Variants in PPP1R12B observed in about 807,000 individuals in gnomAD.
PPP1R12B encodes protein phosphatase 1 regulatory subunit 12B.
In PPP1R12B, 76 loss-of-function variants were observed where a neutral mutation model predicts 126.1. That is an observed-to-expected ratio of 0.60 (90% CI 0.50 to 0.73). PPP1R12B has a LOEUF of 0.73. PPP1R12B is among the 30% of genes least tolerant of loss of function. The pLI, the probability that PPP1R12B is intolerant of heterozygous loss-of-function variation, is 0.00. For synonymous variants in PPP1R12B, 356 were observed against 434.7 expected, an observed-to-expected ratio of 0.82 and a Z score of 2.25; for missense variants, 1,052 against 1,205.1, an observed-to-expected ratio of 0.87 and a Z score of 1.88.
chr1:202,535,981 T>C (rs1457672701), intron 18 of PPP1R12B, among the ~76,000 whole-genome samples: 4 of 152,258 alleles, frequency 2.6e-5, no homozygotes, highest in African/African-American at 9.6e-5. Flanking sequence ...CCCAGAATTT[T>C]ACTGAAGGAT....
At chr1:202,360,623 C>G (rs1462463636) in intron 1 of PPP1R12B, among the ~76,000 whole-genome samples, 1 of 151,398 alleles carries the variant, frequency 6.6e-6, no homozygotes, top group South Asian at 2.1e-4. Flanking sequence ...GCAGGAGAAT[C>G]GCTTGTACCT....
At chr1:202,439,318 G>A (rs941731635) in intron 10 of PPP1R12B, 3 of 1,422,376 alleles carry the variant, frequency 2.1e-6, no homozygotes, top group Admixed American at 1.7e-5. Flanking sequence ...TCCATCCTGA[G>A]GGCAGCCCTG....
At chr1:202,433,268 T>C (rs1670404038) in intron 8 of PPP1R12B, among the ~76,000 whole-genome samples, 1 of 152,238 alleles carries the variant, frequency 6.6e-6, no homozygotes, top group Non-Finnish European at 1.5e-5. Context: ...TAGATCACTT[T>C]TGTTAGTTGC....
rs779180704 is a variant in PPP1R12B, at chr1:202,349,004, C to T, written c.153C>T (p.Ser51=). 7 of 1,608,164 alleles carry T rather than the reference C, an allele frequency of 4.4e-6. No individual in the cohort carries two copies. The South Asian group carries it at 5.5e-5, about 13-fold the overall frequency. Residue 51 remains serine, a synonymous_variant, in exon 1 of 24, where the codon AGC becomes AGT. Coordinates refer to ENST00000608999, the MANE Select transcript of PPP1R12B (RefSeq NM_002481.4). ...AGRQPLTRRG[S]PRVRFEDGAV... ...GGCAGCCGCTGACCAGGCGCGGGAG[C>T]CCCAGGGTCCGCTTCGAGGACGGTG...
Position 202,377,464 on chromosome 1 carries a change from G to A in PPP1R12B, c.291+28322G>A, listed in dbSNP as rs371333043. Reference sequence around the variant, plus strand: ...ACTACAAGCGCCCGCCACCACGCCCGGCTAATTTTTTGTATTTTGTTAGTA... The same window carrying A: ...ACTACAAGCGCCCGCCACCACGCCCAGCTAATTTTTTGTATTTTGTTAGTA... On this transcript the variant is annotated intron_variant, in intron 1 of 23. Transcript: ENST00000608999. 1.4e-4 allele frequency among the ~76,000 whole-genome samples: 21 copies of A among 151,908 alleles called. No homozygotes were observed. In the East Asian group the frequency reaches 2.3e-3, roughly 17 times the overall value.
chr1:202,436,338 T>C (rs769044047), intron 9 of PPP1R12B, among the ~76,000 whole-genome samples: 2 of 152,090 alleles, frequency 1.3e-5, no homozygotes, highest in South Asian at 2.1e-4. Context: ...GGGGAAGGCA[T>C]TTTCCCCCTT....
At chr1:202,528,193 G>A (rs183244670) in intron 18 of PPP1R12B, among the ~76,000 whole-genome samples, 2 of 152,328 alleles carry the variant, frequency 1.3e-5, no homozygotes, top group East Asian at 3.9e-4. Flanking sequence ...AGCATATAGA[G>A]ATTGACTCTG....
intron 18 of PPP1R12B, among the ~76,000 whole-genome samples, chr1:202,514,549 TATA>T (rs1290230873): frequency 2.0e-5 from 3 of 152,198 alleles, no homozygotes; most frequent in African/African-American, 4.8e-5. Flanking sequence ...CCAGGGTTTT[TATA>T]GTTTGGGGTT....
chr1:202,411,270 CAAA>C (rs771739035), intron 1 of PPP1R12B, among the ~76,000 whole-genome samples: 74 of 59,492 alleles, frequency 1.2e-3, no homozygotes, highest in African/African-American at 1.7e-3. Flanking sequence ...CTTCTGGAGG[CAAA>C]AAAAAAAAAA....
chr1:202,464,574 T>A (rs1166610273), intron 13 of PPP1R12B, among the ~76,000 whole-genome samples: 1 of 152,194 alleles, frequency 6.6e-6, no homozygotes, highest in Non-Finnish European at 1.5e-5. Flanking sequence ...AGGTACAAGG[T>A]ATAAAGCTCC....
intron 18 of PPP1R12B, among the ~76,000 whole-genome samples, chr1:202,519,290 G>T (rs1425148324): frequency 6.6e-6 from 1 of 151,754 alleles, no homozygotes; most frequent in Non-Finnish European, 1.5e-5. Context: ...TTTGAGACGG[G>T]GTCTCACTCT....
chr1:202,588,598 ATT>A lies in PPP1R12B; in HGVS notation c.*8040_*8041del, dbSNP rs1229918871. The A allele has an allele frequency of 1.3e-5, 2 of 152,514 alleles. No homozygotes were observed. Among genetic ancestry groups the A allele is most frequent in the African/African-American group, 2.4e-5 (1 of 41,410 alleles). The allele number at this position is 152,514 out of a possible 1,614,324, so 9.4% of individuals were successfully genotyped here. ...CTGTCTCCACAGTTCAGAGCATGGG[ATT>A]TCTAGAATCTCACATCTGGGGCAGC... On this transcript the variant is annotated 3_prime_UTR_variant, in exon 24 of 24. Transcript: ENST00000608999.
At chr1:202,579,020 C>T (rs970857118) in intron 23 of PPP1R12B, among the ~76,000 whole-genome samples, 4 of 152,158 alleles carry the variant, frequency 2.6e-5, no homozygotes, top group Non-Finnish European at 5.9e-5. Context: ...TTTCATTTCC[C>T]CATTTGTAGA....
intron 1 of PPP1R12B, among the ~76,000 whole-genome samples, chr1:202,402,919 T>C (rs1454130828): frequency 1.3e-5 from 2 of 152,214 alleles, no homozygotes; most frequent in Non-Finnish European, 2.9e-5. Context: ...TTGGAGAAAT[T>C]ATTACTAATG....
intron 17 of PPP1R12B, among the ~76,000 whole-genome samples, chr1:202,496,347 G>T (rs1679549685): frequency 6.6e-6 from 1 of 152,116 alleles, no homozygotes; most frequent in African/African-American, 2.4e-5. Flanking sequence ...CAATAACTTG[G>T]ACAAGACGAC....
rs563926798 is a variant in PPP1R12B, at chr1:202,375,183, A to T, written c.291+26041A>T. ...GATTTCAAACTCCTGACCTCAAGTG[A>T]TCTGCCTGCCTCGGCCTCCCAAAGT... On this transcript the variant is annotated intron_variant, in intron 1 of 23. Transcript: ENST00000608999. Among the ~76,000 whole-genome samples, 7 of 150,244 alleles carry T rather than the reference A, an allele frequency of 4.7e-5. No homozygotes were observed. In the South Asian group the frequency reaches 1.5e-3, roughly 32 times the overall value.
intron 13 of PPP1R12B, among the ~76,000 whole-genome samples, chr1:202,472,690 CACACTTTCTCTAAAGCAAAAG>C (rs1676094265): frequency 6.6e-6 from 1 of 152,220 alleles, no homozygotes; most frequent in Non-Finnish European, 1.5e-5. Context: ...ACACCAGACT[CACACTTTCTCTAAAGCAAAAG>C]GACTTCTCTG....
Position 202,587,022 on chromosome 1 carries a change from T to G in PPP1R12B, c.*6462T>G, listed in dbSNP as rs1016439614. On this transcript the variant is annotated 3_prime_UTR_variant, in exon 24 of 24. Transcript: ENST00000608999. ...ATATCTTTTGTTTTTCCCCCTCCCT[T>G]CTAATCCCCCAAAGGACCTATTTGA... The G allele has an allele frequency of 6.6e-6, 1 of 152,144 alleles. No individual in the cohort carries two copies. The highest frequency in any genetic ancestry group is 2.4e-5 in the African/African-American group (1 of 41,426). The allele number at this position is 152,144 out of a possible 1,614,324, so 9.4% of individuals were successfully genotyped here.
intron 9 of PPP1R12B, among the ~76,000 whole-genome samples, chr1:202,436,346 C>T (rs1177228472): frequency 6.6e-6 from 1 of 152,108 alleles, no homozygotes; most frequent in Non-Finnish European, 1.5e-5. Context: ...CATTTTCCCC[C>T]TTAGAATCAG....
Sources: allele counts gnomAD v4.1 joint callset (sites outside exome capture counted in the v4.1 genomes callset), GRCh38; gene constraint gnomAD v4.1.1; transcripts MANE v1.5; gene names NCBI Gene and HGNC (gene_info 2026-07-23, HGNC 2026-07-21).